Variants in EGLN3 observed in about 807,000 individuals in gnomAD.
EGLN3 encodes prolyl hydroxylase EGLN3.
EGLN3 carries 15 observed loss-of-function variants against 26.0 expected under a neutral mutation model. The ratio of observed to expected loss-of-function variants is 0.58; its 90% CI spans 0.39 to 0.89. The LOEUF (loss-of-function observed/expected upper bound fraction) is 0.89, where lower values mean the gene tolerates loss of function less well. Among genes scored for constraint, EGLN3 ranks in the 40% least tolerant of loss-of-function variants. The pLI is 0.00. For missense variants in EGLN3, 238 were observed against 311.6 expected, an observed-to-expected ratio of 0.76 and a Z score of 1.78; for synonymous variants, 147 against 127.2, an observed-to-expected ratio of 1.16 and a Z score of -1.05.
intron 1 of EGLN3, among the ~76,000 whole-genome samples, chr14:33,933,186 C>T (rs889535006): frequency 2.6e-5 from 4 of 151,996 alleles, no homozygotes; most frequent in South Asian, 2.1e-4. Flanking sequence ...GATTGGGTTA[C>T]GCAGCTGTCA....
At position 33,931,089 on chromosome 14, in the gene EGLN3, A is replaced by G; in HGVS notation, c.477+7T>C. The G allele has an allele frequency of 1.2e-6, 2 of 1,614,164 alleles. No homozygotes were observed. The highest frequency in any genetic ancestry group is 1.7e-6 in the Non-Finnish European group (2 of 1,180,010). On this transcript the variant is annotated splice_region_variant and intron_variant, in intron 2 of 4. Coordinates refer to ENST00000250457, the MANE Select transcript of EGLN3 (RefSeq NM_022073.4). ...CCCCACACTCTACTCCCATTATTCA[A>G]AAGTACCTTGGCATCCCAATTCTTG... is the stretch of plus-strand genomic sequence containing the variant.
intron 3 of EGLN3, 30 bp downstream of exon 3, chr14:33,929,046 C>A: frequency 1.2e-6 from 2 of 1,610,256 alleles, no homozygotes; most frequent in East Asian, 2.2e-5. Context: ...CACCAAGCTC[C>A]GGAAGAGGAA....
chr14:33,935,618 CACAT>C (rs61210984), intron 1 of EGLN3, among the ~76,000 whole-genome samples: 2,240 of 87,998 alleles, frequency 0.025, 20 homozygotes, highest in African/African-American at 0.038. Flanking sequence ...CACACACACA[CACAT>C]ATATATATAT....
rs1433160824 is a variant in EGLN3, at chr14:33,929,145, A to G, written c.545T>C (p.Phe182Ser). The change falls in exon 3 of 5, where the codon TTT (phenylalanine) becomes TCT (serine). Residue 182 changes from phenylalanine to serine, a missense_variant. Phe to Ser is a radical substitution (Grantham distance 155). Transcript: ENST00000250457. ...TGACCAGAAGAACAGGAGTCTGTCA[A>G]AAATGGGCTCCACATCTGCTATGAA... Reference protein sequence around the residue: ...KSFIADVEPIFDRLLFFWSDR... With the variant: ...KSFIADVEPISDRLLFFWSDR... 5 of 1,614,102 alleles carry G rather than the reference A, an allele frequency of 3.1e-6. No individual in the cohort carries two copies. Among genetic ancestry groups the G allele is most frequent in the African/African-American group, 1.3e-5 (1 of 74,940 alleles).
intron 2 of EGLN3, among the ~76,000 whole-genome samples, chr14:33,930,302 A>C (rs2064393290): frequency 6.6e-6 from 1 of 152,224 alleles, no homozygotes; most frequent in African/African-American, 2.4e-5. Flanking sequence ...CAGGGAGAAG[A>C]GATAGGCCTT....
At chr14:33,944,817 G>A (rs2138826700) in intron 1 of EGLN3, among the ~76,000 whole-genome samples, 1 of 152,350 alleles carries the variant, frequency 6.6e-6, no homozygotes, top group East Asian at 1.9e-4. Context: ...CCCACAGTGT[G>A]CAGCACTGAG....
At position 33,950,748 on chromosome 14, in the gene EGLN3, G is replaced by A. The variant is rs769935910; in HGVS notation, c.5C>T (p.Pro2Leu). The change falls in exon 1 of 5, where the codon CCC becomes CTC. Residue 2 changes from proline to leucine, a missense_variant. Pro to Leu is a moderately conservative substitution (Grantham distance 98). Transcript: ENST00000250457. M[P>L]LGHIMRLDLE... Reference sequence around the variant, plus strand: ...GTCCAGCCTCATGATGTGTCCCAGGGGCATCTCGCCCGCAGAATCGAGGTC... The same window carrying A: ...GTCCAGCCTCATGATGTGTCCCAGGAGCATCTCGCCCGCAGAATCGAGGTC... 1 of 1,602,492 alleles carries A rather than the reference G, an allele frequency of 6.2e-7. No individual in the cohort carries two copies. The highest frequency in any genetic ancestry group is 8.5e-7 in the Non-Finnish European group (1 of 1,171,272).
chr14:33,925,961 A>G (rs550515191), intron 4 of EGLN3, 39 bp from the exon 5 acceptor site: 2 of 1,605,536 alleles, frequency 1.2e-6, no homozygotes, highest in African/African-American at 2.7e-5. Context: ...GAGGGTATGG[A>G]GTCAGCTCTG....
At chr14:33,929,572 G>A (rs528506585) in intron 2 of EGLN3, among the ~76,000 whole-genome samples, 7 of 152,236 alleles carry the variant, frequency 4.6e-5, no homozygotes, top group African/African-American at 1.4e-4. Flanking sequence ...GGCTGGTCTC[G>A]AACTCCCGAC....
intron 3 of EGLN3, among the ~76,000 whole-genome samples, chr14:33,927,984 T>C (rs977298547): frequency 6.6e-6 from 1 of 152,164 alleles, no homozygotes; most frequent in Non-Finnish European, 1.5e-5. Flanking sequence ...GTAATGATTG[T>C]TAGCTACTTC....
chr14:33,951,002 G>T lies in EGLN3; in HGVS notation c.-250C>A, dbSNP rs909121999. On this transcript the variant is annotated 5_prime_UTR_variant, in exon 1 of 5. Coordinates refer to ENST00000250457, the MANE Select transcript of EGLN3 (RefSeq NM_022073.4). The stretch of plus-strand genomic sequence containing the variant: ...CGACCCGTTTCCGGACTGGCCCGGC[G>T]AGCAGTGCGGCGCAAGGAGTCGGAG... The T allele has an allele frequency of 7.5e-6, 4 of 530,040 alleles. No homozygotes were observed. Among genetic ancestry groups the T allele is most frequent in the East Asian group, 6.2e-5 (2 of 32,204 alleles). 32.8% of individuals were successfully genotyped at this position (530,040 alleles called of 1,614,324 possible).
At position 33,951,062 on chromosome 14, in the gene EGLN3, C is replaced by A; in HGVS notation, c.-310G>T. On this transcript the variant is annotated 5_prime_UTR_variant, in exon 1 of 5. Coordinates refer to ENST00000250457, the MANE Select transcript of EGLN3 (RefSeq NM_022073.4). ...TGGGGATGGGAAGCCACCACTGCCG[C>A]GACTGCGGCCAGACTCCGGGAGACG... 1 of 327,360 alleles carries A rather than the reference C, an allele frequency of 3.1e-6. No homozygotes were observed. The highest frequency in any genetic ancestry group is 8.2e-4 in the Middle Eastern group (1 of 1,214). 20.3% of individuals were successfully genotyped at this position (327,360 alleles called of 1,614,324 possible). A position where few individuals can be genotyped will look rare whatever the true frequency, so the allele number is the denominator to read the frequency against.
intron 1 of EGLN3, among the ~76,000 whole-genome samples, chr14:33,940,142 T>C (rs2064472233): frequency 6.6e-6 from 1 of 152,224 alleles, no homozygotes; most frequent in Admixed American, 6.5e-5. Flanking sequence ...CCAAGTCATC[T>C]TGTCTTTGCT....
chr14:33,945,384 C>T (rs1223895366), intron 1 of EGLN3, among the ~76,000 whole-genome samples: 1 of 152,192 alleles, frequency 6.6e-6, no homozygotes, highest in Non-Finnish European at 1.5e-5. Context: ...GCATGGTTTC[C>T]ACATGCCTCC....
At chr14:33,926,903 G>T in intron 4 of EGLN3, 57 bp downstream of exon 4, 1 of 1,311,184 alleles carries the variant, frequency 7.6e-7, no homozygotes, top group Non-Finnish European at 1.1e-6. Context: ...ACATAAAATT[G>T]AATAAAAGTC....
In EGLN3 at chr14:33,929,116, G is replaced by A. The variant is rs1335076539; in HGVS notation, c.574C>T (p.Arg192Cys). Reference protein sequence around the residue: ...FDRLLFFWSDRRNPHEVQPSY... With the variant: ...FDRLLFFWSDCRNPHEVQPSY... Reference sequence around the variant, plus strand: ...GGCTGCACTTCGTGTGGGTTCCTACGATCTGACCAGAAGAACAGGAGTCTG... The same window carrying A: ...GGCTGCACTTCGTGTGGGTTCCTACAATCTGACCAGAAGAACAGGAGTCTG... The change falls in exon 3 of 5, where the codon CGT becomes TGT. Residue 192 changes from arginine (R) to cysteine (C), a missense_variant. By Grantham distance (180) the Arg-to-Cys change is radical. Coordinates refer to ENST00000250457, the MANE Select transcript of EGLN3 (RefSeq NM_022073.4). The A allele has an allele frequency of 5.6e-6, 9 of 1,614,002 alleles. No homozygotes were observed. The highest frequency in any genetic ancestry group is 1.3e-5 in the African/African-American group (1 of 74,922).
chr14:33,936,379 G>C (rs2064443167), intron 1 of EGLN3, among the ~76,000 whole-genome samples: 1 of 152,108 alleles, frequency 6.6e-6, no homozygotes, highest in Non-Finnish European at 1.5e-5. Context: ...TTTATATTCG[G>C]GTGACAACAG....
intron 2 of EGLN3, 93 bp downstream of exon 2, chr14:33,931,003 A>G: frequency 6.5e-7 from 1 of 1,535,382 alleles, no homozygotes; most frequent in Non-Finnish European, 8.8e-7. Context: ...AGATACGGCA[A>G]CTATGAACTC....
chr14:33,935,590 C>T (rs199650788), intron 1 of EGLN3, among the ~76,000 whole-genome samples: 2 of 65,480 alleles, frequency 3.1e-5, no homozygotes, highest in Non-Finnish European at 6.4e-5. Context: ...AATAAATACA[C>T]ACACACACAC....
Sources: allele counts gnomAD v4.1 joint callset (sites outside exome capture counted in the v4.1 genomes callset), GRCh38; gene constraint gnomAD v4.1.1; transcripts MANE v1.5; gene names NCBI Gene and HGNC (gene_info 2026-07-23, HGNC 2026-07-21).